The following CNGA3 variants were observed in gnomAD, a reference collection of about 807,000 sequenced individuals.
CNGA3 encodes the protein cyclic nucleotide-gated channel alpha-3.
Under a neutral mutation model 46.6 loss-of-function variants are expected in CNGA3, and 42 were observed. The observed-to-expected ratio is 0.90, with a 90% confidence interval of 0.70 to 1.17. CNGA3 has a LOEUF of 1.17. CNGA3 is among the 50% of genes most tolerant of loss of function. The pLI is 0.00. For missense variants in CNGA3, 893 were observed against 890.7 expected, an observed-to-expected ratio of 1.00 and a Z score of -0.03; for synonymous variants, 394 against 369.4, an observed-to-expected ratio of 1.07 and a Z score of -0.76.
intron 4 of CNGA3, among the ~76,000 whole-genome samples, chr2:98,380,686 T>A (rs2104207081): frequency 6.6e-6 from 1 of 152,242 alleles, no homozygotes; most frequent in African/African-American, 2.4e-5. Context: ...GCCTTACCTA[T>A]CTCTCTTCAC....
intron 1 of CNGA3, among the ~76,000 whole-genome samples, chr2:98,352,182 G>A (rs973593512): frequency 3.9e-5 from 6 of 152,138 alleles, no homozygotes; most frequent in African/African-American, 7.2e-5. Context: ...GTTGTAGCAT[G>A]TATCACTGTT....
intron 1 of CNGA3, 106 bp downstream of exon 1, chr2:98,346,640 G>A (rs1027331926): frequency 2.5e-6 from 1 of 394,338 alleles, no homozygotes; most frequent in Non-Finnish European, 4.5e-6. Flanking sequence ...ACCACACGCA[G>A]GGGAGGGATG....
intron 1 of CNGA3, among the ~76,000 whole-genome samples, chr2:98,363,880 T>G (rs1237235175): frequency 1.3e-5 from 2 of 152,192 alleles, no homozygotes; most frequent in Non-Finnish European, 2.9e-5. Flanking sequence ...CTGTCTAATA[T>G]TGACAGTGGG....
At chr2:98,368,124 C>G (rs1443900060) in intron 1 of CNGA3, among the ~76,000 whole-genome samples, 1 of 152,168 alleles carries the variant, frequency 6.6e-6, no homozygotes, top group African/African-American at 2.4e-5. Context: ...ATTGAGAAAA[C>G]CAGAATATTT....
chr2:98,347,961 G>A (rs975189775), intron 1 of CNGA3, among the ~76,000 whole-genome samples: 1 of 152,224 alleles, frequency 6.6e-6, no homozygotes. Flanking sequence ...TGGGGGACGC[G>A]GGTGGTTGGG....
At chr2:98,368,071 A>G (rs980749981) in intron 1 of CNGA3, among the ~76,000 whole-genome samples, 3 of 152,262 alleles carry the variant, frequency 2.0e-5, no homozygotes, top group Non-Finnish European at 4.4e-5. Flanking sequence ...TCATTGTTAC[A>G]TAAGTGAATA....
chr2:98,366,762 A>G (rs1315942769), intron 1 of CNGA3, among the ~76,000 whole-genome samples: 1 of 152,180 alleles, frequency 6.6e-6, no homozygotes, highest in African/African-American at 2.4e-5. Flanking sequence ...GGCAGACTGG[A>G]ACTCCAGTGA....
chr2:98,390,445 G>A (rs989577717), intron 6 of CNGA3, among the ~76,000 whole-genome samples: 9 of 151,938 alleles, frequency 5.9e-5, no homozygotes, highest in Admixed American at 5.2e-4. Flanking sequence ...CACTGCTCCC[G>A]GCCTCTACTA....
intron 1 of CNGA3, among the ~76,000 whole-genome samples, chr2:98,348,400 A>G (rs894729521): frequency 1.3e-5 from 2 of 152,282 alleles, no homozygotes; most frequent in Admixed American, 6.5e-5. Flanking sequence ...TCTGATTAAT[A>G]TTGAGGTTGC....
At chr2:98,379,512 C>G (rs868168603) in intron 3 of CNGA3, among the ~76,000 whole-genome samples, 1 of 152,290 alleles carries the variant, frequency 6.6e-6, no homozygotes, top group Middle Eastern at 3.4e-3. Flanking sequence ...GGGACTGGCA[C>G]TGTGGTCGCA....
At chr2:98,354,853 A>G (rs144440087) in intron 1 of CNGA3, among the ~76,000 whole-genome samples, 4 of 152,318 alleles carry the variant, frequency 2.6e-5, no homozygotes, top group African/African-American at 9.6e-5. Flanking sequence ...TTGATGGCAT[A>G]CTTTGATACA....
chr2:98,388,441 G>A (rs12996560), intron 5 of CNGA3, among the ~76,000 whole-genome samples: 5 of 152,142 alleles, frequency 3.3e-5, no homozygotes, highest in African/African-American at 9.7e-5. Context: ...CTATCAGGGG[G>A]CCTTAGCTTC....
At chr2:98,360,328 T>A (rs1692000382) in intron 1 of CNGA3, among the ~76,000 whole-genome samples, 1 of 152,172 alleles carries the variant, frequency 6.6e-6, no homozygotes, top group South Asian at 2.1e-4. Flanking sequence ...GCAATGGCAG[T>A]GGGACCAGAG....
intron 5 of CNGA3, among the ~76,000 whole-genome samples, chr2:98,388,286 CGAAGAGAAAAAA>C (rs1167797728): frequency 6.6e-6 from 1 of 152,038 alleles, no homozygotes. Context: ...CAGAAAAGAA[CGAAGAGAAAAAA>C]GAAGAGAGAA....
chr2:98,379,779 C>A, intron 3 of CNGA3: 1 of 236,084 alleles, frequency 4.2e-6, no homozygotes, highest in Non-Finnish European at 8.4e-6. Context: ...CTTTGAAACC[C>A]ACATTGCTTT....
At chr2:98,386,325 C>A (rs528085384) in intron 5 of CNGA3, among the ~76,000 whole-genome samples, 93 of 152,214 alleles carry the variant, frequency 6.1e-4, no homozygotes, top group Non-Finnish European at 1.2e-3. Flanking sequence ...CAAATCTCAT[C>A]TTGAATTGTA....
At position 98,380,184 on chromosome 2, in the gene CNGA3, C is replaced by T. The variant is rs200404774; in HGVS notation, c.225C>T (p.Arg75=). The T allele has an allele frequency of 8.9e-5, 143 of 1,614,176 alleles. No homozygotes were observed. The East Asian group carries it at 3.1e-3, about 35-fold the overall frequency. The change falls in exon 4 of 8, where the codon CGC becomes CGT. Residue 75 remains arginine, a synonymous_variant. Transcript: ENST00000272602. ...FTGQGIARLS[R]LIFLLRRWAA... is the part of the protein sequence containing the mutation. ...TTGTGTCACCTTCCAGGCTGTCGCG[C>T]CTCATCTTCTTGCTGCGCAGGTGGG...
At chr2:98,378,199 G>T in intron 3 of CNGA3, 1 of 1,550,130 alleles carries the variant, frequency 6.5e-7, no homozygotes, top group Non-Finnish European at 8.7e-7. Context: ...GGTCTCCCGG[G>T]TGCTCGTCTG....
intron 7 of CNGA3, among the ~76,000 whole-genome samples, chr2:98,392,637 A>G (rs185050990): frequency 5.9e-5 from 9 of 152,256 alleles, no homozygotes; most frequent in African/African-American, 2.2e-4. Context: ...TGCAATCTCG[A>G]AGGACCCCTC....
Sources: allele counts gnomAD v4.1 joint callset (sites outside exome capture counted in the v4.1 genomes callset), GRCh38; gene constraint gnomAD v4.1.1; transcripts MANE v1.5; gene names NCBI Gene and HGNC (gene_info 2026-07-23, HGNC 2026-07-21).